YTHDC2: variants seen among roughly 807,000 people sequenced by gnomAD.
YTHDC2 encodes the protein 3'-5' RNA helicase YTHDC2.
A neutral mutation model predicts 174.9 loss-of-function variants in YTHDC2; 45 were observed. The observed-to-expected ratio is 0.26, with a 90% CI of 0.20 to 0.33. The LOEUF (loss-of-function observed/expected upper bound fraction) is 0.33. Ranked by LOEUF, YTHDC2 falls within the 10% of genes least tolerant of loss-of-function variation. The pLI is 1.00. For synonymous variants in YTHDC2, 657 were observed against 574.5 expected (o/e 1.14, Z -2.05); for missense variants, 1,650 against 1,723.7 (o/e 0.96, Z 0.76).
At chr5:113,543,456 AC>A (rs1229340425) in intron 10 of YTHDC2, among the ~76,000 whole-genome samples, 1 of 151,998 alleles carries the variant, frequency 6.6e-6, no homozygotes, top group African/African-American at 2.4e-5. Context: ...CACTTCCCCT[AC>A]TGTACATTTC....
chr5:113,579,788 G>T, intron 24 of YTHDC2, 93 bp downstream of exon 24: 2 of 1,359,160 alleles, frequency 1.5e-6, no homozygotes, highest in Non-Finnish European at 1.9e-6. Flanking sequence ...TTACTATTGA[G>T]CCCTTAGTAT....
intron 23 of YTHDC2, 35 bp downstream of exon 23, chr5:113,567,884 A>G (rs1777452152): frequency 6.3e-6 from 9 of 1,428,306 alleles, no homozygotes; most frequent in South Asian, 1.7e-5. Flanking sequence ...TCTATTTGAA[A>G]TGAATTTTTT....
intron 12 of YTHDC2, among the ~76,000 whole-genome samples, chr5:113,550,440 T>A (rs1314823492): frequency 6.6e-6 from 1 of 152,086 alleles, no homozygotes; most frequent in East Asian, 1.9e-4. Flanking sequence ...GGAGGTATAA[T>A]CATAGTATAT....
At chr5:113,528,965 C>T (rs889813859) in intron 4 of YTHDC2, among the ~76,000 whole-genome samples, 1 of 151,940 alleles carries the variant, frequency 6.6e-6, no homozygotes, top group Non-Finnish European at 1.5e-5. Context: ...GTTCTCTTTA[C>T]AGCATTGTTA....
chr5:113,592,234 T>C, intron 28 of YTHDC2, 56 bp downstream of exon 28: 1 of 1,480,958 alleles, frequency 6.8e-7, no homozygotes, highest in Non-Finnish European at 9.1e-7. Flanking sequence ...TTTTCTGTTA[T>C]CCAGTGCTTT....
chr5:113,525,324 T>G (rs1774138802), intron 3 of YTHDC2, 147 bp downstream of exon 3: 1 of 806,398 alleles, frequency 1.2e-6, no homozygotes, highest in Non-Finnish European at 1.8e-6. Context: ...TTGTAAAAAT[T>G]TGAAACAAAG....
rs769807458 is a variant in YTHDC2 at position 113,563,363 on chromosome 5, T to C, written c.2323-10T>C. 1 of 1,599,484 alleles carries C rather than the reference T, an allele frequency of 6.3e-7. No individual in the cohort carries two copies. Among genetic ancestry groups the C allele is most frequent in the Non-Finnish European group, 8.5e-7 (1 of 1,173,364 alleles). ...AATTTTAAAAAATTATTTACTGTTT[T>C]GGTTTATAGGAACTTTGCTTACATA... On this transcript the variant is annotated splice_polypyrimidine_tract_variant and intron_variant, in intron 18 of 29. Transcript: ENST00000161863.
At chr5:113,591,311 A>G in intron 27 of YTHDC2, 67 bp downstream of exon 27, 2 of 1,519,382 alleles carry the variant, frequency 1.3e-6, no homozygotes, top group Non-Finnish European at 1.8e-6. Flanking sequence ...AGATTTTTAG[A>G]AAAACAACTG....
chr5:113,542,720 T>A (rs1235732506), intron 10 of YTHDC2, among the ~76,000 whole-genome samples: 1 of 152,220 alleles, frequency 6.6e-6, no homozygotes, highest in African/African-American at 2.4e-5. Flanking sequence ...AGCTAATGTC[T>A]CCATTGCAGT....
At chr5:113,534,704 T>C (rs1774934949) in intron 6 of YTHDC2, among the ~76,000 whole-genome samples, 1 of 152,172 alleles carries the variant, frequency 6.6e-6, no homozygotes, top group East Asian at 1.9e-4. Flanking sequence ...AAATGATGCA[T>C]GCACTTAGAG....
In YTHDC2 at chr5:113,548,593, A is replaced by G; in HGVS notation, c.1548A>G (p.Gly516=). 6.2e-7 allele frequency: 1 copy of G among 1,613,500 alleles called. No individual in the cohort carries two copies. The highest frequency in any genetic ancestry group is 1.1e-5 in the South Asian group (1 of 91,038). The change falls in exon 11 of 30, where the codon GGA becomes GGG. Residue 516 remains glycine (G), a synonymous_variant. Coordinates refer to ENST00000161863, the MANE Select transcript of YTHDC2 (RefSeq NM_022828.5). ...TSATALMVAA[G]RGFASQVEQL... ...CAACAGCTCTGATGGTTGCTGCAGG[A>G]CGTGGCTTTGCAAGTCAAGTAGAAC...
At chr5:113,564,729 A>C (rs1777219092) in intron 20 of YTHDC2, among the ~76,000 whole-genome samples, 1 of 152,214 alleles carries the variant, frequency 6.6e-6, no homozygotes, top group Non-Finnish European at 1.5e-5. Context: ...AATTTCAGAT[A>C]TGTGGGGAAG....
intron 28 of YTHDC2, 41 bp downstream of exon 28, chr5:113,592,219 G>C: frequency 7.9e-6 from 12 of 1,522,444 alleles, no homozygotes; most frequent in Non-Finnish European, 1.1e-5. Context: ...TTTTGTTTCT[G>C]TTTGTTTTCT....
intron 2 of YTHDC2, among the ~76,000 whole-genome samples, chr5:113,521,415 A>G (rs914705638): frequency 2.6e-5 from 4 of 152,292 alleles, no homozygotes; most frequent in Middle Eastern, 6.8e-3. Flanking sequence ...CTCATCTTCA[A>G]TTTAGCTTAT....
chr5:113,572,718 T>TAA (rs1451467795), intron 23 of YTHDC2, among the ~76,000 whole-genome samples: 11 of 152,364 alleles, frequency 7.2e-5, no homozygotes, highest in African/African-American at 2.6e-4. Flanking sequence ...TACCACTGTG[T>TAA]AATGCCTTTC....
rs374535871 is a variant in YTHDC2, at chr5:113,514,078, G to C, written c.183G>C (p.Gln61His). The C allele has an allele frequency of 1.2e-6, 2 of 1,611,450 alleles. No homozygotes were observed. The highest frequency in any genetic ancestry group is 1.7e-6 in the Non-Finnish European group (2 of 1,179,020). The stretch of plus-strand genomic sequence containing the variant: ...TGGAGCGCTTCCGATACGGGGACCA[G>C]AGAGGTGAGGTTCCGGACAGGGACC... ...IALERFRYGD[Q>H]REMEFPSSLT... Residue 61 changes from glutamine to histidine, a missense_variant, in exon 1 of 30, where the codon CAG (glutamine) becomes CAC (histidine). Gln to His is a conservative substitution (Grantham distance 24). Transcript: ENST00000161863.
At chr5:113,559,928 T>A (rs1370302584) in intron 17 of YTHDC2, among the ~76,000 whole-genome samples, 1 of 152,226 alleles carries the variant, frequency 6.6e-6, no homozygotes, top group Non-Finnish European at 1.5e-5. Flanking sequence ...TTTTTTGGGA[T>A]GCGTAAGGCA....
At chr5:113,592,942 T>C (rs931003454) in intron 28 of YTHDC2, 3 of 159,792 alleles carry the variant, frequency 1.9e-5, no homozygotes, top group African/African-American at 7.2e-5. Context: ...ACATCGAATA[T>C]GCTAGGTTTC....
intron 4 of YTHDC2, among the ~76,000 whole-genome samples, chr5:113,528,027 A>G (rs759760014): frequency 5.3e-5 from 8 of 152,180 alleles, no homozygotes; most frequent in Non-Finnish European, 1.0e-4. Context: ...GCTGTCTTAG[A>G]TTGTTATAAT....
Sources: gnomAD v4.1 joint callset for allele counts (sites outside exome capture counted in the v4.1 genomes callset) on GRCh38, gnomAD v4.1.1 for gene constraint, MANE v1.5 for transcripts, NCBI Gene and HGNC (gene_info 2026-07-23, HGNC 2026-07-21) for gene names.